KCNK12: variants seen among roughly 807,000 people sequenced by gnomAD.
The protein encoded by KCNK12 is potassium channel subfamily K member 12.
In KCNK12, 6 loss-of-function variants were observed where a neutral mutation model predicts 25.3. The ratio of observed to expected loss-of-function variants is 0.24; its 90% CI spans 0.13 to 0.47. KCNK12 has a LOEUF of 0.47. Among genes scored for constraint, KCNK12 ranks in the 20% least tolerant of loss-of-function variants. The probability of loss-of-function intolerance (pLI) is 0.99; values close to 1 mark genes in which losing one functional copy is unlikely to be tolerated. For missense variants in KCNK12, 444 were observed against 661.7 expected (o/e 0.67, Z 3.61); for synonymous variants, 331 against 311.1 (o/e 1.06, Z -0.67).
In KCNK12 at chr2:47,555,847, G is replaced by A. The variant is rs992947325; in HGVS notation, c.391+14094C>T. ...CAAAAAGGACCAAGGAAAGCAGCCA[G>A]TGAGGATCAAGGACAGCATGATGTT... On this transcript the variant is annotated intron_variant, in intron 1 of 1. Transcript: ENST00000327876. The surrounding 1 kb of genome is among the most constrained non-coding windows in gnomAD (Gnocchi z 4.5). The A allele has an allele frequency of 6.6e-6, 1 of 152,344 alleles. No homozygotes were observed. The highest frequency in any genetic ancestry group is 2.1e-4 in the South Asian group (1 of 4,834). The allele number at this position is 152,344 out of a possible 1,614,324, so 9.4% of individuals were successfully genotyped here.
rs796655949 is a variant in KCNK12, at chr2:47,555,167, G to A, written c.391+14774C>T. Reference sequence around the variant, plus strand: ...TGGACCCATGGTTCTGAAGCTTAGTGTAGAAGATGGGTTATTCATCAATAG... The same window carrying A: ...TGGACCCATGGTTCTGAAGCTTAGTATAGAAGATGGGTTATTCATCAATAG... On this transcript the variant is annotated intron_variant, in intron 1 of 1. Transcript: ENST00000327876. The surrounding 1 kb of genome is among the most constrained non-coding windows in gnomAD (Gnocchi z 4.5). 3.3e-5 allele frequency among the ~76,000 whole-genome samples: 5 copies of A among 152,328 alleles called. 1 individual carries two copies. Among genetic ancestry groups the A allele is most frequent in the African/African-American group, 1.2e-4 (5 of 41,562 alleles).
rs149330675 is a variant in KCNK12 at position 47,562,945 on chromosome 2, G to A, written c.391+6996C>T. ...GGCCCCATGCAGAGCCCCCGACCCC[G>A]GAAAGTCAGTGGAACTGGACGGAAA... On this transcript the variant is annotated intron_variant, in intron 1 of 1. Transcript: ENST00000327876. The surrounding 1 kb of genome is among the most constrained non-coding windows in gnomAD (Gnocchi z 4.8). 50 of 233,494 alleles carry A rather than the reference G, an allele frequency of 2.1e-4. No homozygotes were observed. The highest frequency in any genetic ancestry group is 2.5e-3 in the Middle Eastern group (2 of 788). The allele number at this position is 233,494 out of a possible 1,614,324, so 14.5% of individuals were successfully genotyped here. A position where few individuals can be genotyped will look rare whatever the true frequency, so the allele number is the denominator to read the frequency against.
At position 47,528,215 on chromosome 2, in the gene KCNK12, G is replaced by T. The variant is rs34052789; in HGVS notation, c.392-6407C>A. 18,731 of 152,314 alleles carry T rather than the reference G, an allele frequency of 0.12. 1,319 individuals are homozygous for T. The highest frequency in any genetic ancestry group is 0.16 in the Non-Finnish European group (10,604 of 68,064). The allele number at this position is 152,314 out of a possible 1,614,324, so 9.4% of individuals were successfully genotyped here. A position where few individuals can be genotyped will look rare whatever the true frequency, so the allele number is the denominator to read the frequency against. On this transcript the variant is annotated intron_variant, in intron 1 of 1. Transcript: ENST00000327876. The surrounding 1 kb of genome is among the most constrained non-coding windows in gnomAD (Gnocchi z 4.5). ...GTGAGGCAGAAGGGTCTCCGACAGC[G>T]CACAGGGCAACCAGTGAAAGCGTCC...
In KCNK12 at chr2:47,510,079, A is replaced by C. The variant is rs11901645; in HGVS notation, c.*10828T>G. The C allele has an allele frequency of 0.45, 68,091 of 152,002 alleles. 16,168 individuals are homozygous for C. The highest frequency in any genetic ancestry group is 0.67 in the East Asian group (3,464 of 5,152). 9.4% of individuals were successfully genotyped at this position (152,002 alleles called of 1,614,324 possible). A position where few individuals can be genotyped will look rare whatever the true frequency, so the allele number is the denominator to read the frequency against. On this transcript the variant is annotated 3_prime_UTR_variant, in exon 2 of 2. Transcript: ENST00000327876. ...GACTCTCTTCTGGTCAATGAGATGCAGCAGAAAGTCCTAGGGAGGTCTAGG... is the reference window on the plus strand; with the variant it reads ...GACTCTCTTCTGGTCAATGAGATGCCGCAGAAAGTCCTAGGGAGGTCTAGG...
rs1410619931 is a variant in KCNK12, at chr2:47,566,654, TTGA to T, written c.391+3284_391+3286del. On this transcript the variant is annotated intron_variant, in intron 1 of 1. Transcript: ENST00000327876. The surrounding 1 kb of genome is among the most constrained non-coding windows in gnomAD (Gnocchi z 4.1). The stretch of plus-strand genomic sequence containing the variant: ...TCAAGTTTTCTCTGGACTTAATCAG[TTGA>T]TGACGTGACCAATAGACCAGCAGAC... 6.6e-6 allele frequency: 1 copy of T among 152,178 alleles called. No individual in the cohort carries two copies. The highest frequency in any genetic ancestry group is 2.4e-5 in the African/African-American group (1 of 41,430). The allele number at this position is 152,178 out of a possible 1,614,324, so 9.4% of individuals were successfully genotyped here. A position where few individuals can be genotyped will look rare whatever the true frequency, so the allele number is the denominator to read the frequency against.
In KCNK12 at chr2:47,551,714, T is replaced by C. The variant is rs1183990913; in HGVS notation, c.391+18227A>G. On this transcript the variant is annotated intron_variant, in intron 1 of 1. Transcript: ENST00000327876. This position sits in a 1 kb window ranked among gnomAD's most constrained non-coding sequence, Gnocchi z 5.3. ...TTTCTGGAGCTCTCCAGTTCTAGACTCGTTGACACATAAAAATATTTTGGT... is the reference window on the plus strand; with the variant it reads ...TTTCTGGAGCTCTCCAGTTCTAGACCCGTTGACACATAAAAATATTTTGGT... 6.6e-6 allele frequency among the ~76,000 whole-genome samples: 1 copy of C among 152,238 alleles called. No homozygotes were observed. Among genetic ancestry groups the C allele is most frequent in the Non-Finnish European group, 1.5e-5 (1 of 68,038 alleles).
rs1668739492 is a variant in KCNK12 at position 47,525,077 on chromosome 2, C to T, written c.392-3269G>A. Among the ~76,000 whole-genome samples, 1 of 152,212 alleles carries T rather than the reference C, an allele frequency of 6.6e-6. No homozygotes were observed. Among genetic ancestry groups the T allele is most frequent in the Non-Finnish European group, 1.5e-5 (1 of 68,028 alleles). ...CTGAATTGGATTTTTCAGCTAAAGC[C>T]TCAAAGCTGAGAACAGTATGTGTAC... On this transcript the variant is annotated intron_variant, in intron 1 of 1. Transcript: ENST00000327876. This position sits in a 1 kb window ranked among gnomAD's most constrained non-coding sequence, Gnocchi z 4.1.
chr2:47,546,706 C>T (rs1669321532), intron 1 of KCNK12, among the ~76,000 whole-genome samples: 1 of 152,112 alleles, frequency 6.6e-6, no homozygotes, highest in African/African-American at 2.4e-5. Context: ...ATTTAATTAC[C>T]TCAATTTACC....
intron 1 of KCNK12, 71 bp from the exon 2 acceptor site, chr2:47,521,879 T>TTGGGGGGGGGGG: frequency 3.1e-6 from 1 of 327,724 alleles, no homozygotes. Flanking sequence ...GGGTGGGGGG[T>TTGGGGGGGGGGG]GTGGGGGCGG....
At position 47,520,742 on chromosome 2, in the gene KCNK12, T is replaced by G. The variant is rs1263795706; in HGVS notation, c.*165A>C. 1 of 454,012 alleles carries G rather than the reference T, an allele frequency of 2.2e-6. No homozygotes were observed. Among genetic ancestry groups the G allele is most frequent in the African/African-American group, 2.0e-5 (1 of 49,606 alleles). 28.1% of individuals were successfully genotyped at this position (454,012 alleles called of 1,614,324 possible). On this transcript the variant is annotated 3_prime_UTR_variant, in exon 2 of 2. Transcript: ENST00000327876. This position sits in a 1 kb window ranked among gnomAD's most constrained non-coding sequence, Gnocchi z 5.0. ...ACACAGGCGTCCCCAAAACCTGCCCTTGATAACATCAGGCCTGGCCAAATA... is the reference window on the plus strand; with the variant it reads ...ACACAGGCGTCCCCAAAACCTGCCCGTGATAACATCAGGCCTGGCCAAATA...
intron 1 of KCNK12, among the ~76,000 whole-genome samples, chr2:47,523,471 C>T (rs1055537431): frequency 3.3e-5 from 5 of 152,216 alleles, no homozygotes; most frequent in African/African-American, 9.7e-5. Flanking sequence ...TATACAACTG[C>T]GTATTGCTTC....
rs745446240 is a variant in KCNK12, at chr2:47,521,222, G to A, written c.978C>T (p.Gly326=). 2.5e-6 allele frequency: 4 copies of A among 1,585,712 alleles called. No individual in the cohort carries two copies. Among genetic ancestry groups the A allele is most frequent in the East Asian group, 2.3e-5 (1 of 43,394 alleles). ...RCCARCCPAP[G]APLARRNAIT... ...TGGCATTGCGCCGGGCCAGGGGCGC[G>A]CCAGGAGCCGGGCAGCAGCGCGCGC... The change falls in exon 2 of 2, where the codon GGC becomes GGT. Residue 326 remains glycine (G), a synonymous_variant. Coordinates refer to ENST00000327876, the MANE Select transcript of KCNK12 (RefSeq NM_022055.2).
Position 47,533,157 on chromosome 2 carries a change from C to T in KCNK12, c.392-11349G>A, listed in dbSNP as rs1296965031. Among the ~76,000 whole-genome samples the T allele has an allele frequency of 5.3e-5, 8 of 152,100 alleles. No homozygotes were observed. The highest frequency in any genetic ancestry group is 8.8e-5 in the Non-Finnish European group (6 of 68,016). On this transcript the variant is annotated intron_variant, in intron 1 of 1. Transcript: ENST00000327876. The surrounding 1 kb of genome is among the most constrained non-coding windows in gnomAD (Gnocchi z 4.7). Reference sequence around the variant, plus strand: ...TCCCAAGTAGCTGGGACTACAGGTGCGTGCCACCACATCTGGCTAATTTTT... The same window carrying T: ...TCCCAAGTAGCTGGGACTACAGGTGTGTGCCACCACATCTGGCTAATTTTT...
In KCNK12 at chr2:47,533,134, C is replaced by T; in HGVS notation, c.392-11326G>A. Among the ~76,000 whole-genome samples the T allele has an allele frequency of 6.6e-6, 1 of 152,180 alleles. No individual in the cohort carries two copies. Among genetic ancestry groups the T allele is most frequent in the South Asian group, 2.1e-4 (1 of 4,832 alleles). On this transcript the variant is annotated intron_variant, in intron 1 of 1. Coordinates refer to ENST00000327876, the MANE Select transcript of KCNK12 (RefSeq NM_022055.2). This position sits in a 1 kb window ranked among gnomAD's most constrained non-coding sequence, Gnocchi z 4.7. ...CAAGCCATTCTCCTGCCACAGCCTC[C>T]CAAGTAGCTGGGACTACAGGTGCGT...
chr2:47,552,008 C>T (rs958479750), intron 1 of KCNK12, among the ~76,000 whole-genome samples: 6 of 152,082 alleles, frequency 3.9e-5, no homozygotes, highest in South Asian at 2.1e-4. Flanking sequence ...TGGGGACGAC[C>T]GGTGGTGGGG....
chr2:47,523,664 G>A (rs373330122), intron 1 of KCNK12, among the ~76,000 whole-genome samples: 2 of 152,180 alleles, frequency 1.3e-5, no homozygotes, highest in Admixed American at 6.5e-5. Context: ...GCTGTGGTCT[G>A]TGGGACCCGT....
At chr2:47,541,571 GATCGTAACAC>G (rs1449420979) in intron 1 of KCNK12, among the ~76,000 whole-genome samples, 1 of 152,072 alleles carries the variant, frequency 6.6e-6, no homozygotes, top group Non-Finnish European at 1.5e-5. Flanking sequence ...CATAGGTTGA[GATCGTAACAC>G]TCCAGTACCT....
intron 1 of KCNK12, among the ~76,000 whole-genome samples, chr2:47,523,835 C>T (rs1668712209): frequency 6.6e-6 from 1 of 152,226 alleles, no homozygotes; most frequent in African/African-American, 2.4e-5. Context: ...AATTTGTGCC[C>T]TATGGCAGAA....
At chr2:47,537,939 T>C (rs946711054) in intron 1 of KCNK12, among the ~76,000 whole-genome samples, 1 of 152,138 alleles carries the variant, frequency 6.6e-6, no homozygotes, top group Non-Finnish European at 1.5e-5. Context: ...ATGGAGGCAG[T>C]TGGGCACAAG....
Sources: allele counts gnomAD v4.1 joint callset (sites outside exome capture counted in the v4.1 genomes callset), GRCh38; gene constraint gnomAD v4.1.1; non-coding constraint Gnocchi (gnomAD v3.1); transcripts MANE v1.5; gene names NCBI Gene and HGNC (gene_info 2026-07-23, HGNC 2026-07-21).